Variants in CD200 observed in about 807,000 individuals in gnomAD.
CD200 encodes the protein OX-2 membrane glycoprotein.
Under a neutral mutation model 30.9 loss-of-function variants are expected in CD200, and 15 were observed. The ratio of observed to expected loss-of-function variants is 0.49; its 90% CI spans 0.32 to 0.75. The LOEUF (loss-of-function observed/expected upper bound fraction) is 0.75. Ranked by LOEUF, CD200 falls within the 30% of genes least tolerant of loss-of-function variation. The probability of loss-of-function intolerance (pLI) is 0.03; values close to 1 mark genes in which losing one functional copy is unlikely to be tolerated. For synonymous variants in CD200, 134 were observed against 126.2 expected (o/e 1.06, Z -0.41); for missense variants, 262 against 324.2 (o/e 0.81, Z 1.47).
intron 1 of CD200, among the ~76,000 whole-genome samples, chr3:112,334,715 G>A (rs1027919771): frequency 1.1e-4 from 17 of 151,426 alleles, no homozygotes; most frequent in African/African-American, 4.1e-4. Context: ...TTTCAGATTG[G>A]TCGTATTTTC....
chr3:112,349,568 A>G, intron 4 of CD200, 144 bp from the exon 5 acceptor site: 1 of 469,462 alleles, frequency 2.1e-6, no homozygotes, highest in South Asian at 6.4e-5. Flanking sequence ...ATATCTAAAT[A>G]TTATTAAAAT....
intron 3 of CD200, among the ~76,000 whole-genome samples, chr3:112,346,662 A>G (rs1291888458): frequency 1.3e-5 from 2 of 152,162 alleles, no homozygotes; most frequent in Non-Finnish European, 2.9e-5. Context: ...TCCCCAACCC[A>G]GTGTCTTCTA....
At chr3:112,342,574 C>A (rs1042469546) in intron 2 of CD200, among the ~76,000 whole-genome samples, 1 of 151,758 alleles carries the variant, frequency 6.6e-6, no homozygotes, top group African/African-American at 2.4e-5. Context: ...AGGTGCCCAC[C>A]ACCACGCCTG....
At chr3:112,345,334 G>A (rs1439154551) in intron 3 of CD200, 46 bp downstream of exon 3, 1 of 1,494,732 alleles carries the variant, frequency 6.7e-7, no homozygotes, top group East Asian at 2.3e-5. Context: ...AATACTATTT[G>A]CAAGAATGTT....
At chr3:112,336,372 G>T (rs1396256785) in intron 1 of CD200, among the ~76,000 whole-genome samples, 1 of 152,006 alleles carries the variant, frequency 6.6e-6, no homozygotes, top group Non-Finnish European at 1.5e-5. Context: ...TGAGCCCACA[G>T]GAAGAAGGCC....
chr3:112,343,217 A>G (rs1293808716), intron 2 of CD200, among the ~76,000 whole-genome samples: 1 of 151,914 alleles, frequency 6.6e-6, no homozygotes, highest in African/African-American at 2.4e-5. Context: ...CTACATACAT[A>G]TAAAGTATAT....
chr3:112,356,283 C>T (rs1576624807), intron 5 of CD200, among the ~76,000 whole-genome samples: 1 of 151,934 alleles, frequency 6.6e-6, no homozygotes, highest in Non-Finnish European at 1.5e-5. Flanking sequence ...ATGTTAAATA[C>T]CTTTGGGATT....
At chr3:112,343,249 T>G (rs1231314512) in intron 2 of CD200, among the ~76,000 whole-genome samples, 1 of 151,726 alleles carries the variant, frequency 6.6e-6, no homozygotes, top group Non-Finnish European at 1.5e-5. Context: ...TATAAACATA[T>G]AAAACATTGA....
chr3:112,355,213 T>C (rs556244651), intron 5 of CD200, among the ~76,000 whole-genome samples: 1 of 152,270 alleles, frequency 6.6e-6, no homozygotes, highest in African/African-American at 2.4e-5. Flanking sequence ...TGTAATTCCA[T>C]AGCCTTTGCT....
chr3:112,342,346 TTTCTTTCTTTCTTTC>T (rs2081272507), intron 2 of CD200, among the ~76,000 whole-genome samples: 1 of 9,706 alleles, frequency 1.0e-4, no homozygotes. Flanking sequence ...TCCTTCTTTC[TTTCTTTCTTTCTTTC>T]TTTCTTTCTT....
At chr3:112,354,965 G>A (rs2081599083) in intron 5 of CD200, among the ~76,000 whole-genome samples, 1 of 152,108 alleles carries the variant, frequency 6.6e-6, no homozygotes. Context: ...TCCTTTATAA[G>A]GATCCTTGTG....
At position 112,361,820 on chromosome 3, in the gene CD200, T is replaced by G. The variant is rs189446036; in HGVS notation, c.*270T>G. On this transcript the variant is annotated 3_prime_UTR_variant, in exon 6 of 6. Transcript: ENST00000315711. The stretch of plus-strand genomic sequence containing the variant: ...TATGTGGTTGAAAGGGCACTGGACT[T>G]AGTTAGTATCAGGAGCACTGAGCTC... The G allele has an allele frequency of 7.7e-6, 4 of 520,780 alleles. No individual in the cohort carries two copies. Among genetic ancestry groups the G allele is most frequent in the East Asian group, 3.3e-5 (1 of 30,580 alleles). The allele number at this position is 520,780 out of a possible 1,614,324, so 32.3% of individuals were successfully genotyped here.
In CD200 at chr3:112,347,683, A is replaced by G. The variant is rs140941277; in HGVS notation, c.547A>G (p.Thr183Ala). The change falls in exon 4 of 6, where the codon ACA becomes GCA. Residue 183 changes from threonine to alanine, a missense_variant. By Grantham distance (58) the Thr-to-Ala change is moderately conservative (BLOSUM62 0). Transcript: ENST00000315711. ...CCCTCGGTCAGGGATTGAAAATAGT[A>G]CAGTGACTCTGTCTCACCCAAATGG... ...KVPRSGIENS[T>A]VTLSHPNGTT... The G allele has an allele frequency of 6.2e-7, 1 of 1,614,088 alleles. No homozygotes were observed. Among genetic ancestry groups the G allele is most frequent in the South Asian group, 1.1e-5 (1 of 91,086 alleles).
intron 5 of CD200, among the ~76,000 whole-genome samples, chr3:112,352,898 A>G (rs2081560841): frequency 6.6e-6 from 1 of 152,308 alleles, no homozygotes; most frequent in East Asian, 1.9e-4. Context: ...GTTTTTTCCA[A>G]CTGCGAAGTA....
intron 3 of CD200, among the ~76,000 whole-genome samples, chr3:112,347,042 G>A (rs539314968): frequency 1.0e-3 from 152 of 152,198 alleles, no homozygotes; most frequent in African/African-American, 3.5e-3. Flanking sequence ...TAATTCACTG[G>A]TCCAGCTCCA....
At chr3:112,360,794 T>C (rs1404326406) in intron 5 of CD200, among the ~76,000 whole-genome samples, 1 of 152,184 alleles carries the variant, frequency 6.6e-6, no homozygotes, top group Non-Finnish European at 1.5e-5. Context: ...AGGCTCCCAG[T>C]ATGTGCCAGA....
chr3:112,340,276 G>A (rs2081208829), intron 1 of CD200, among the ~76,000 whole-genome samples: 1 of 152,088 alleles, frequency 6.6e-6, no homozygotes, highest in African/African-American at 2.4e-5. Context: ...TTTATAGAAG[G>A]ATGATGCCCA....
At chr3:112,341,072 G>T (rs2081228679) in intron 2 of CD200, 89 bp downstream of exon 2, 1 of 799,378 alleles carries the variant, frequency 1.3e-6, no homozygotes, top group Non-Finnish European at 2.1e-6. Flanking sequence ...TGCTGTGCTG[G>T]TTCCATTTGT....
chr3:112,340,830 G>A, intron 1 of CD200, 72 bp from the exon 2 acceptor site: 2 of 998,052 alleles, frequency 2.0e-6, no homozygotes, highest in South Asian at 1.4e-5. Flanking sequence ...CTGAAATAGC[G>A]ATTAGATTGA....
Sources: allele counts gnomAD v4.1 joint callset (sites outside exome capture counted in the v4.1 genomes callset), GRCh38; gene constraint gnomAD v4.1.1; transcripts MANE v1.5; gene names NCBI Gene and HGNC (gene_info 2026-07-23, HGNC 2026-07-21).